Variants in PHF21B observed in about 807,000 individuals in gnomAD.
PHF21B encodes PHD finger protein 4.
In PHF21B, 22 loss-of-function variants were observed where a neutral mutation model predicts 62.2. The ratio of observed to expected loss-of-function variants is 0.35; its 90% CI spans 0.25 to 0.51. The LOEUF is 0.51. PHF21B is among the 20% of genes least tolerant of loss of function. The probability of loss-of-function intolerance (pLI) is 0.97; values close to 1 mark genes in which losing one functional copy is unlikely to be tolerated. For synonymous variants in PHF21B, 341 were observed against 314.7 expected, an observed-to-expected ratio of 1.08 and a Z score of -0.88; for missense variants, 701 against 707.9, an observed-to-expected ratio of 0.99 and a Z score of 0.11.
chr22:44,909,855 C>T (rs1424892187), intron 5 of PHF21B, among the ~76,000 whole-genome samples: 1 of 152,260 alleles, frequency 6.6e-6, no homozygotes, highest in Non-Finnish European at 1.5e-5. Context: ...CTCAGTCCTT[C>T]CAGGAGGAAA....
At chr22:44,936,118 T>A (rs1323629456) in intron 2 of PHF21B, among the ~76,000 whole-genome samples, 1 of 152,188 alleles carries the variant, frequency 6.6e-6, no homozygotes, top group Non-Finnish European at 1.5e-5. Flanking sequence ...GTGGAGAACA[T>A]CTTTTTGGAG....
intron 3 of PHF21B, among the ~76,000 whole-genome samples, 195 bp from the exon 4 acceptor site, chr22:44,916,825 G>A (rs1182342492): frequency 2.0e-5 from 3 of 152,198 alleles, no homozygotes; most frequent in Non-Finnish European, 4.4e-5. Flanking sequence ...GCACCGACTG[G>A]CCACGGGGCT....
intron 2 of PHF21B, among the ~76,000 whole-genome samples, chr22:45,007,032 G>A (rs565268303): frequency 1.7e-4 from 26 of 152,128 alleles, no homozygotes; most frequent in Admixed American, 1.3e-3. Flanking sequence ...ACTTCGCCGG[G>A]GCCGCGCGCC....
rs115731370 is a variant in PHF21B, at chr22:44,997,979, T to C, written c.120+10566A>G. 7.5e-3 allele frequency among the ~76,000 whole-genome samples: 1,136 copies of C among 152,314 alleles called. 14 individuals are homozygous for C. The highest frequency in any genetic ancestry group is 0.026 in the African/African-American group (1,091 of 41,572). On this transcript the variant is annotated intron_variant, in intron 2 of 12. Coordinates refer to ENST00000313237, the MANE Select transcript of PHF21B (RefSeq NM_138415.5). ...GCCCACAGCTGGCCCCTACCCTCAATTGTAGACTCTGAAAACAGAAATGTG... is the reference window on the plus strand; with the variant it reads ...GCCCACAGCTGGCCCCTACCCTCAACTGTAGACTCTGAAAACAGAAATGTG...
At chr22:44,955,818 T>C (rs1385553005) in intron 2 of PHF21B, among the ~76,000 whole-genome samples, 31 of 152,218 alleles carry the variant, frequency 2.0e-4, no homozygotes, top group Admixed American at 2.0e-3. Flanking sequence ...CATCCCCATC[T>C]GTATCCCATT....
At chr22:44,919,568 T>C (rs2071498179) in intron 3 of PHF21B, among the ~76,000 whole-genome samples, 1 of 152,186 alleles carries the variant, frequency 6.6e-6, no homozygotes, top group Non-Finnish European at 1.5e-5. Flanking sequence ...GGCGGCCACC[T>C]CTCACCATCC....
At chr22:44,929,430 G>GC (rs1479552970) in intron 2 of PHF21B, among the ~76,000 whole-genome samples, 1 of 152,226 alleles carries the variant, frequency 6.6e-6, no homozygotes, top group African/African-American at 2.4e-5. Flanking sequence ...CACGGCGAGT[G>GC]CATGTGAAAA....
chr22:44,901,727 G>A, intron 5 of PHF21B: 1 of 389,570 alleles, frequency 2.6e-6, no homozygotes, highest in Non-Finnish European at 4.6e-6. Context: ...TCCCATCCTT[G>A]TCAGAGGAAT....
intron 2 of PHF21B, among the ~76,000 whole-genome samples, chr22:44,947,015 T>C (rs1003536302): frequency 2.6e-5 from 4 of 152,214 alleles, no homozygotes; most frequent in African/African-American, 9.7e-5. Context: ...TGAAGCCCAA[T>C]GACAATGCCA....
intron 9 of PHF21B, 42 bp downstream of exon 9, chr22:44,889,718 C>A: frequency 6.3e-7 from 1 of 1,580,206 alleles, no homozygotes; most frequent in Non-Finnish European, 8.6e-7. Context: ...TGAAAACATT[C>A]TCCACCCCGG....
intron 2 of PHF21B, among the ~76,000 whole-genome samples, chr22:44,933,850 C>G (rs1395695685): frequency 6.6e-6 from 1 of 152,150 alleles, no homozygotes; most frequent in East Asian, 1.9e-4. Flanking sequence ...TTTCCGGGCA[C>G]AGTAACTGAA....
chr22:44,911,105 T>C (rs2071336923), intron 5 of PHF21B, among the ~76,000 whole-genome samples: 1 of 152,124 alleles, frequency 6.6e-6, no homozygotes, highest in African/African-American at 2.4e-5. Context: ...ACTTTGAACT[T>C]GAGAGAGATG....
At chr22:44,884,693 T>C (rs1461357271) in intron 12 of PHF21B, among the ~76,000 whole-genome samples, 1 of 131,248 alleles carries the variant, frequency 7.6e-6, no homozygotes, top group African/African-American at 3.0e-5. Flanking sequence ...CCATCATCAT[T>C]ACAACCATCA....
In PHF21B at chr22:44,949,595, T is replaced by C. The variant is rs572816327; in HGVS notation, c.121-29105A>G. On this transcript the variant is annotated intron_variant, in intron 2 of 12. Transcript: ENST00000313237. ...TCAGCAAGTTTTGCGACTCATCCTA[T>C]GTCACTGAAATATGCTGCTAGTGGG... Among the ~76,000 whole-genome samples, 13 of 152,330 alleles carry C rather than the reference T, an allele frequency of 8.5e-5. 1 individual carries two copies. The South Asian group carries it at 2.7e-3, about 32-fold the overall frequency.
At chr22:44,933,960 A>G (rs978201906) in intron 2 of PHF21B, among the ~76,000 whole-genome samples, 1 of 152,210 alleles carries the variant, frequency 6.6e-6, no homozygotes. Flanking sequence ...AGATCCTGCC[A>G]TGCTCAGCAG....
chr22:44,937,297 A>G (rs1306304380), intron 2 of PHF21B, among the ~76,000 whole-genome samples: 1 of 152,216 alleles, frequency 6.6e-6, no homozygotes, highest in African/African-American at 2.4e-5. Flanking sequence ...GCCTTGAAGG[A>G]CCAAGTTCCA....
chr22:45,005,442 A>G (rs1024345654), intron 2 of PHF21B, among the ~76,000 whole-genome samples: 1 of 152,198 alleles, frequency 6.6e-6, no homozygotes, highest in African/African-American at 2.4e-5. Flanking sequence ...TTAATTCCCT[A>G]GTCTCCGAAT....
At position 44,896,057 on chromosome 22, in the gene PHF21B, G is replaced by A; in HGVS notation, c.858C>T (p.Gly286=). ...PEKIAFMVAL[G]LVTTEHLEEI... Reference sequence around the variant, plus strand: ...CTTCCAAATGTTCCGTGGTAACCAGGCCTAGCGCTACCATGAAGGCGATTT... The same window carrying A: ...CTTCCAAATGTTCCGTGGTAACCAGACCTAGCGCTACCATGAAGGCGATTT... Residue 286 remains glycine, a synonymous_variant, in exon 6 of 13, where the codon GGC becomes GGT. Transcript: ENST00000313237. The A allele has an allele frequency of 6.2e-7, 1 of 1,614,144 alleles. No homozygotes were observed. The highest frequency in any genetic ancestry group is 8.5e-7 in the Non-Finnish European group (1 of 1,180,028).
rs765966801 is a variant in PHF21B at position 44,885,956 on chromosome 22, A to G, written c.1198-18T>C. ...TTTAAGGCCTGGGGAGCAGACGGGG[A>G]GATGAAAAAGTGGACAGGCCCTGGG... On this transcript the variant is annotated intron_variant, in intron 10 of 12. Transcript: ENST00000313237. 1.1e-5 allele frequency: 18 copies of G among 1,612,518 alleles called. No homozygotes were observed. The highest frequency in any genetic ancestry group is 1.3e-5 in the African/African-American group (1 of 74,846).
Sources: gnomAD v4.1 joint callset for allele counts (sites outside exome capture counted in the v4.1 genomes callset) on GRCh38, gnomAD v4.1.1 for gene constraint, MANE v1.5 for transcripts, NCBI Gene and HGNC (gene_info 2026-07-23, HGNC 2026-07-21) for gene names.